Variants in COX10 observed in about 807,000 individuals in gnomAD.
COX10 encodes protoheme IX farnesyltransferase, mitochondrial.
In COX10, 27 loss-of-function variants were observed where a neutral mutation model predicts 37.3. The observed-to-expected ratio is 0.72, with a 90% CI of 0.53 to 1.00. The LOEUF is 1.00. COX10 is among the 50% of genes least tolerant of loss of function. The pLI, the probability that COX10 is intolerant of heterozygous loss-of-function variation, is 0.00. For synonymous variants in COX10, 222 were observed against 229.1 expected (o/e 0.97, Z 0.28); for missense variants, 475 against 563.2 (o/e 0.84, Z 1.59).
At chr17:14,107,928 C>A (rs188785158) in intron 4 of COX10, among the ~76,000 whole-genome samples, 1 of 152,132 alleles carries the variant, frequency 6.6e-6, no homozygotes, top group East Asian at 1.9e-4. Context: ...TAACTTCAAT[C>A]TGTTGGTCAT....
At chr17:14,166,019 G>A (rs1281779952) in intron 5 of COX10, among the ~76,000 whole-genome samples, 1 of 152,312 alleles carries the variant, frequency 6.6e-6, no homozygotes, top group African/African-American at 2.4e-5. Flanking sequence ...TGGTTCATGA[G>A]GTTTAAGAAA....
chr17:14,089,814 G>T (rs1346805580), intron 3 of COX10, among the ~76,000 whole-genome samples: 3 of 152,014 alleles, frequency 2.0e-5, no homozygotes, highest in Non-Finnish European at 4.4e-5. Flanking sequence ...CTGGGGTAGG[G>T]TCTAGAATTG....
intron 3 of COX10, among the ~76,000 whole-genome samples, chr17:14,093,309 A>G (rs1223478102): frequency 3.3e-5 from 5 of 152,190 alleles, no homozygotes. Flanking sequence ...GAAATAAGAA[A>G]AGGAAGATGT....
At chr17:14,173,912 C>T (rs1905563741) in intron 5 of COX10, among the ~76,000 whole-genome samples, 3 of 152,196 alleles carry the variant, frequency 2.0e-5, no homozygotes, top group South Asian at 2.1e-4. Flanking sequence ...AGCATGACAA[C>T]ATGGGCTGCT....
Position 14,204,339 on chromosome 17 carries a change from C to T in COX10, c.929-2471C>T, listed in dbSNP as rs898076016. ...TCCCAAAGGCATCTCAGACTGAACA[C>T]ACCCAAGGTCACACTAATGACCTCC... On this transcript the variant is annotated intron_variant, in intron 6 of 6. Transcript: ENST00000261643. Among the ~76,000 whole-genome samples the T allele has an allele frequency of 4.6e-5, 7 of 152,040 alleles. No homozygotes were observed. The East Asian group carries it at 1.2e-3, about 26-fold the overall frequency.
At chr17:14,069,914 G>A (rs1396943903) in intron 1 of COX10, among the ~76,000 whole-genome samples, 1 of 152,084 alleles carries the variant, frequency 6.6e-6, no homozygotes, top group South Asian at 2.1e-4. Context: ...GCTTCTTTAG[G>A]TTTTCAGATA....
rs1264168567 is a variant in COX10 at position 14,185,047 on chromosome 17, T to C, written c.696-6942T>C. 2.0e-5 allele frequency among the ~76,000 whole-genome samples: 3 copies of C among 150,304 alleles called. No individual in the cohort carries two copies. In the East Asian group the frequency reaches 5.9e-4, roughly 29 times the overall value. On this transcript the variant is annotated intron_variant, in intron 5 of 6. Coordinates refer to ENST00000261643, the MANE Select transcript of COX10 (RefSeq NM_001303.4). Reference sequence around the variant, plus strand: ...AAGGCCAGCTTAGCCTTTCTTCTCCTCATCTTGCTTCTAGAAACCAGATGT... The same window carrying C: ...AAGGCCAGCTTAGCCTTTCTTCTCCCCATCTTGCTTCTAGAAACCAGATGT...
At chr17:14,131,284 A>G (rs2142219510) in intron 4 of COX10, among the ~76,000 whole-genome samples, 1 of 152,248 alleles carries the variant, frequency 6.6e-6, no homozygotes, top group Middle Eastern at 3.4e-3. Flanking sequence ...TTCATTGAAG[A>G]CAATACGCTA....
intron 4 of COX10, among the ~76,000 whole-genome samples, chr17:14,158,662 G>A (rs1423931718): frequency 6.6e-6 from 1 of 152,070 alleles, no homozygotes; most frequent in East Asian, 1.9e-4. Flanking sequence ...GTTTCATGGT[G>A]AAATAAATTT....
At chr17:14,159,103 G>T (rs1905117721) in intron 4 of COX10, among the ~76,000 whole-genome samples, 1 of 152,132 alleles carries the variant, frequency 6.6e-6, no homozygotes, top group Admixed American at 6.5e-5. Flanking sequence ...CCAATCTATT[G>T]TCCAAGCTAG....
chr17:14,103,960 T>C (rs1915838514), intron 4 of COX10, among the ~76,000 whole-genome samples: 2 of 152,136 alleles, frequency 1.3e-5, no homozygotes, highest in South Asian at 4.1e-4. Context: ...AGTGTCTGCC[T>C]CTTTCCTCCT....
chr17:14,181,659 A>T (rs1905864131), intron 5 of COX10, among the ~76,000 whole-genome samples: 1 of 152,216 alleles, frequency 6.6e-6, no homozygotes. Flanking sequence ...GAATTCAACT[A>T]TCTGGCTCAG....
rs151110639 is a variant in COX10, at chr17:14,160,005, C to T, written c.695+58C>T. On this transcript the variant is annotated intron_variant, in intron 5 of 6. Coordinates refer to ENST00000261643, the MANE Select transcript of COX10 (RefSeq NM_001303.4). ...ATAAAACATTCATTTGCTTGTTCAT[C>T]TGAATCATTTCCCACTATTTTGCTT... 5,102 of 1,462,072 alleles carry T rather than the reference C, an allele frequency of 3.5e-3. 13 individuals are homozygous for T. The highest frequency in any genetic ancestry group is 3.9e-3 in the Non-Finnish European group (4,138 of 1,050,380). The allele number at this position is 1,462,072 out of a possible 1,614,324, so 90.6% of individuals were successfully genotyped here. A position where few individuals can be genotyped will look rare whatever the true frequency, so the allele number is the denominator to read the frequency against.
At position 14,074,304 on chromosome 17, in the gene COX10, A is replaced by T; in HGVS notation, c.44-19A>T. On this transcript the variant is annotated intron_variant, in intron 1 of 6. Coordinates refer to ENST00000261643, the MANE Select transcript of COX10 (RefSeq NM_001303.4). The stretch of plus-strand genomic sequence containing the variant: ...GTACGAATCATTTAACCTTTCTTCC[A>T]CTTCTCTCTCTATTATAGGTTGCGT... 6.2e-7 allele frequency: 1 copy of T among 1,613,872 alleles called. No individual in the cohort carries two copies. The highest frequency in any genetic ancestry group is 1.7e-5 in the Admixed American group (1 of 60,006).
intron 4 of COX10, among the ~76,000 whole-genome samples, chr17:14,147,584 GA>G (rs1904760201): frequency 6.6e-6 from 1 of 152,066 alleles, no homozygotes. Context: ...TAGTACAGCA[GA>G]GTGACTATAG....
chr17:14,092,374 TCTAA>T (rs1206184014), intron 3 of COX10, among the ~76,000 whole-genome samples: 1 of 152,092 alleles, frequency 6.6e-6, no homozygotes, highest in Middle Eastern at 3.2e-3. Context: ...GGACTTTCAG[TCTAA>T]CTTTCATCAT....
chr17:14,200,505 A>G (rs543983373), intron 6 of COX10, among the ~76,000 whole-genome samples: 2 of 152,316 alleles, frequency 1.3e-5, no homozygotes, highest in South Asian at 4.1e-4. Context: ...AGCTGTTCTT[A>G]CATACAGTAC....
chr17:14,138,016 CA>C (rs1157897343), intron 4 of COX10, among the ~76,000 whole-genome samples: 1 of 148,182 alleles, frequency 6.7e-6, no homozygotes, highest in African/African-American at 2.5e-5. Context: ...TAAAATCAAC[CA>C]AATTTCTTAC....
At chr17:14,153,785 G>A (rs1325461351) in intron 4 of COX10, among the ~76,000 whole-genome samples, 5 of 152,162 alleles carry the variant, frequency 3.3e-5, no homozygotes, top group Non-Finnish European at 7.4e-5. Context: ...ACAAAGACTT[G>A]CACACAGATG....
Sources: allele counts gnomAD v4.1 joint callset (sites outside exome capture counted in the v4.1 genomes callset), GRCh38; gene constraint gnomAD v4.1.1; transcripts MANE v1.5; gene names NCBI Gene and HGNC (gene_info 2026-07-23, HGNC 2026-07-21).